Variants in OGG1 observed in about 807,000 individuals in gnomAD.
OGG1 encodes 8-oxoguanine DNA glycosylase.
Under a neutral mutation model 42.3 loss-of-function variants are expected in OGG1, and 35 were observed. The ratio of observed to expected loss-of-function variants is 0.83; its 90% CI spans 0.63 to 1.10. The LOEUF (loss-of-function observed/expected upper bound fraction) is 1.10, where lower values mean the gene tolerates loss of function less well. OGG1 is among the 50% of genes least tolerant of loss of function. The pLI is 0.00. For synonymous variants in OGG1, 189 were observed against 179.0 expected, an observed-to-expected ratio of 1.06 and a Z score of -0.44; for missense variants, 484 against 446.7, an observed-to-expected ratio of 1.08 and a Z score of -0.75.
At chr3:9,764,617 G>GTTTT (rs202012854) in intron 7 of OGG1, among the ~76,000 whole-genome samples, 18 of 93,426 alleles carry the variant, frequency 1.9e-4, no homozygotes, top group Admixed American at 4.8e-4. Flanking sequence ...TGGCGTTTTT[G>GTTTT]TTTTTTTTTT....
chr3:9,750,986 C>A lies in OGG1; in HGVS notation c.179C>A (p.Ala60Glu). 6.2e-7 allele frequency: 1 copy of A among 1,614,002 alleles called. No homozygotes were observed. Among genetic ancestry groups the A allele is most frequent in the South Asian group, 1.1e-5 (1 of 91,070 alleles). ...CCTGCACACTGGAGTGGTGTACTAGCGGATCAAGTATGGACACTGACTCAG... is the reference window on the plus strand; with the variant it reads ...CCTGCACACTGGAGTGGTGTACTAGAGGATCAAGTATGGACACTGACTCAG... ...QSPAHWSGVLADQVWTLTQTE... is the reference protein window; with the variant it reads ...QSPAHWSGVLEDQVWTLTQTE... The change falls in exon 2 of 7, where the codon GCG (alanine) becomes GAG (glutamate). Residue 60 changes from alanine (A) to glutamate (E), a missense_variant. Coordinates refer to ENST00000344629, the MANE Select transcript of OGG1 (RefSeq NM_002542.6).
At chr3:9,780,468 G>C (rs2078432752) in intron 2 of OGG1, 1 of 1,611,732 alleles carries the variant, frequency 6.2e-7, no homozygotes, top group South Asian at 1.1e-5. Context: ...CCATGATCTT[G>C]CGAAAGGCGT....
downstream of OGG1, chr3:9,757,544 G>C: frequency 6.2e-7 from 1 of 1,613,252 alleles, no homozygotes; most frequent in Non-Finnish European, 8.5e-7. The surrounding 1 kb of genome is among the most constrained non-coding windows in gnomAD (Gnocchi z 4.5). Context: ...GGGCCCTAGA[G>C]CTGGTGGGGC....
chr3:9,757,800 T>C, downstream of OGG1: 1 of 1,613,712 alleles, frequency 6.2e-7, no homozygotes, highest in Non-Finnish European at 8.5e-7. This position sits in a 1 kb window ranked among gnomAD's most constrained non-coding sequence, Gnocchi z 4.5. Context: ...GGTGCCCAGC[T>C]GCAGTTTCCT....
chr3:9,759,339 A>T (rs2069058), downstream of OGG1: 7,198 of 1,561,554 alleles, frequency 4.6e-3, 264 homozygotes, highest in African/African-American at 0.083. Context: ...TGTTGAATGA[A>T]AGAGTGAATG....
chr3:9,776,388 CTTTT>C lies in OGG1; in HGVS notation c.295-5109_295-5106del, dbSNP rs57504240. On this transcript the variant is annotated intron_variant, in intron 2 of 3. Coordinates refer to the OGG1 transcript ENST00000426518. Reference sequence around the variant, plus strand: ...AGTCTTCTTTTTTCTTTTTTCTTTTCTTTTTTTTTTTTTTTTTTTGAGATGAAGT... The same window carrying C: ...AGTCTTCTTTTTTCTTTTTTCTTTTCTTTTTTTTTTTTTTTGAGATGAAGT... 1.6e-4 allele frequency among the ~76,000 whole-genome samples: 19 copies of C among 121,118 alleles called. 1 individual carries two copies. The highest frequency in any genetic ancestry group is 5.2e-4 in the East Asian group (2 of 3,852). 79.5% of individuals were successfully genotyped at this position (121,118 alleles called of 152,430 possible).
At chr3:9,787,442 G>A in intron 3 of OGG1, 1 of 1,463,616 alleles carries the variant, frequency 6.8e-7, no homozygotes, top group Non-Finnish European at 9.1e-7. Context: ...CAAGTCCCTA[G>A]TCCAAGGCCA....
chr3:9,773,823 G>A (rs765314246), intron 2 of OGG1, among the ~76,000 whole-genome samples: 9 of 152,014 alleles, frequency 5.9e-5, no homozygotes, highest in Non-Finnish European at 2.9e-5. Flanking sequence ...CTCCGGAGTA[G>A]CTGGGGCTGC....
chr3:9,750,222 T>C lies in OGG1; in HGVS notation c.-65T>C. ...CGTGGTCCTTGTCTGGGCGGGGTCT[T>C]TGGGCGTCGACGAGGCCTGGTTCTG... is the stretch of plus-strand genomic sequence containing the variant. On this transcript the variant is annotated 5_prime_UTR_variant, in exon 1 of 7. Coordinates refer to ENST00000344629, the MANE Select transcript of OGG1 (RefSeq NM_002542.6). 1 of 1,562,970 alleles carries C rather than the reference T, an allele frequency of 6.4e-7. No individual in the cohort carries two copies.
chr3:9,753,407 T>C (rs953232147), intron 3 of OGG1, among the ~76,000 whole-genome samples: 1 of 148,772 alleles, frequency 6.7e-6, no homozygotes, highest in Non-Finnish European at 1.5e-5. Context: ...AATCCCAGCA[T>C]TTTGGGAGGC....
rs1359857254 is a variant in OGG1 at position 9,781,635 on chromosome 3, G to A, written c.382+35G>A. The A allele has an allele frequency of 2.0e-5, 9 of 450,288 alleles. No individual in the cohort carries two copies. The Admixed American group carries it at 2.1e-4, about 11-fold the overall frequency. The allele number at this position is 450,288 out of a possible 1,614,324, so 27.9% of individuals were successfully genotyped here. A position where few individuals can be genotyped will look rare whatever the true frequency, so the allele number is the denominator to read the frequency against. ...ACACCAGATCAATCTCTCTGAACAG[G>A]GTCTGATTTATACATTTCATCGATG... On this transcript the variant is annotated intron_variant, in intron 3 of 3. Transcript: ENST00000426518.
exon 8 of OGG1, chr3:9,765,878 C>T (rs200472416): frequency 1.1e-5 from 18 of 1,613,978 alleles, no homozygotes; most frequent in Admixed American, 1.7e-5. Flanking sequence ...GGATCACCTC[C>T]GAGAAGGCCC....
At chr3:9,760,503 G>A (rs1340523159), downstream of OGG1, 1 of 673,234 alleles carries the variant, frequency 1.5e-6, no homozygotes, top group Non-Finnish European at 2.6e-6. Context: ...CCAAGCAGAA[G>A]GAAGAAGGGG....
At chr3:9,759,799 G>T (rs768195947), downstream of OGG1, 19 of 1,613,786 alleles carry the variant, frequency 1.2e-5, no homozygotes, top group Non-Finnish European at 1.5e-5. Flanking sequence ...GGTACTGCCT[G>T]TGTACTCCCC....
At chr3:9,752,161 G>C (rs2077331751) in intron 3 of OGG1, 1 of 601,524 alleles carries the variant, frequency 1.7e-6, no homozygotes, top group East Asian at 2.8e-5. Context: ...TTGCCCAATG[G>C]GTTCAATGCC....
downstream of OGG1, chr3:9,761,625 C>T (rs765977141): frequency 3.8e-5 from 62 of 1,614,040 alleles, 1 homozygote; most frequent in South Asian, 6.5e-4. Flanking sequence ...CCAGGGCCCT[C>T]CGCACCCACG....
chr3:9,761,850 G>A, downstream of OGG1: 2 of 1,528,112 alleles, frequency 1.3e-6, no homozygotes, highest in East Asian at 2.3e-5. Flanking sequence ...GAGAAATAAT[G>A]GATCCCCAAA....
At chr3:9,751,683 T>C (rs1325691653) in intron 2 of OGG1, 87 bp from the exon 3 acceptor site, 4 of 1,261,546 alleles carry the variant, frequency 3.2e-6, no homozygotes, top group Admixed American at 1.7e-5. Flanking sequence ...TCCTGGAGTT[T>C]TGGTACCTAG....
chr3:9,771,773 A>G lies in OGG1; in HGVS notation c.295-9740A>G, dbSNP rs139919056. Among the ~76,000 whole-genome samples, 688 of 150,516 alleles carry G rather than the reference A, an allele frequency of 4.6e-3. 12 individuals are homozygous for G. Among genetic ancestry groups the G allele is most frequent in the African/African-American group, 0.016 (665 of 40,990 alleles). ...TTGATGACAACACCCCCTGGGTGAT[A>G]AGATGACCTCTGTCCTTTCGAGGAC... is the stretch of plus-strand genomic sequence containing the variant. On this transcript the variant is annotated intron_variant, in intron 2 of 3. Transcript: ENST00000426518.
Sources: allele counts gnomAD v4.1 joint callset (sites outside exome capture counted in the v4.1 genomes callset), GRCh38; gene constraint gnomAD v4.1.1; non-coding constraint Gnocchi (gnomAD v3.1); transcripts MANE v1.5; gene names NCBI Gene and HGNC (gene_info 2026-07-23, HGNC 2026-07-21).